Variants in PTGES observed in about 807,000 individuals in gnomAD.
PTGES encodes MGST1-like 1.
A neutral mutation model predicts 11.8 loss-of-function variants in PTGES; 3 were observed. The ratio of observed to expected loss-of-function variants is 0.25; its 90% CI spans 0.12 to 0.66. PTGES has a LOEUF of 0.66. PTGES is among the 30% of genes least tolerant of loss of function. PTGES has a pLI of 0.82. For synonymous variants in PTGES, 94 were observed against 90.4 expected (o/e 1.04, Z -0.22); for missense variants, 180 against 213.0 (o/e 0.85, Z 0.96).
At position 129,738,525 on chromosome 9, in the gene PTGES, C is replaced by G. The variant is rs201106450; in HGVS notation, c.*1086G>C. 1 of 151,996 alleles carries G rather than the reference C, an allele frequency of 6.6e-6. No homozygotes were observed. Among genetic ancestry groups the G allele is most frequent in the Non-Finnish European group, 1.5e-5 (1 of 68,174 alleles). The allele number at this position is 151,996 out of a possible 1,614,324, so 9.4% of individuals were successfully genotyped here. Reference sequence around the variant, plus strand: ...AAGATACTGAAGGGACCAGAAAGTTCCTTTGAGTGGCTGGTCACCCAAAGC... The same window carrying G: ...AAGATACTGAAGGGACCAGAAAGTTGCTTTGAGTGGCTGGTCACCCAAAGC... On this transcript the variant is annotated 3_prime_UTR_variant, in exon 3 of 3. Coordinates refer to ENST00000340607, the MANE Select transcript of PTGES (RefSeq NM_004878.5). The surrounding 1 kb of genome is among the most constrained non-coding windows in gnomAD (Gnocchi z 4.2).
At chr9:129,741,239 G>T (rs1832991358) in intron 2 of PTGES, among the ~76,000 whole-genome samples, 1 of 152,182 alleles carries the variant, frequency 6.6e-6, no homozygotes, top group Non-Finnish European at 1.5e-5. Flanking sequence ...AAGGTCCTGA[G>T]GTCACAATAA....
intron 2 of PTGES, among the ~76,000 whole-genome samples, chr9:129,740,550 T>G (rs919543183): frequency 6.6e-6 from 1 of 152,182 alleles, no homozygotes; most frequent in Non-Finnish European, 1.5e-5. Flanking sequence ...AAGCTCTTCA[T>G]TTTACACATC....
chr9:129,752,852 T>C (rs768099642), intron 1 of PTGES, 35 bp downstream of exon 1: 2 of 1,613,618 alleles, frequency 1.2e-6, no homozygotes, highest in African/African-American at 1.3e-5. Context: ...GAAGCAAGTA[T>C]GACCCAGGCC....
At chr9:129,750,352 C>T (rs1370720937) in intron 1 of PTGES, among the ~76,000 whole-genome samples, 1 of 152,226 alleles carries the variant, frequency 6.6e-6, no homozygotes, top group Non-Finnish European at 1.5e-5. Flanking sequence ...GAGAATGCAG[C>T]TCAGATCTTC....
chr9:129,748,875 C>A (rs964266518), intron 1 of PTGES, 138 bp from the exon 2 acceptor site: 5 of 683,792 alleles, frequency 7.3e-6, no homozygotes, highest in South Asian at 3.8e-5. Context: ...CCATCATCCA[C>A]GATTCCTACC....
intron 2 of PTGES, among the ~76,000 whole-genome samples, chr9:129,741,459 C>T (rs1832993193): frequency 6.6e-6 from 1 of 152,210 alleles, no homozygotes; most frequent in Non-Finnish European, 1.5e-5. Context: ...ATGAACCCCT[C>T]TTCTCCTTTT....
rs773737665 is a variant in PTGES, at chr9:129,752,911, C to G, written c.102G>C (p.Thr34=). The G allele has an allele frequency of 4.3e-6, 7 of 1,613,914 alleles. No individual in the cohort carries two copies. In the South Asian group the frequency reaches 4.4e-5, roughly 10 times the overall value. The change falls in exon 1 of 3, where the codon ACG becomes ACC. Residue 34 remains threonine, a synonymous_variant. Transcript: ENST00000340607. ...CCTTCTTCCGCAGCCTCACTTGGCC[C>G]GTGATGATGGCCACCACGTACATCT... ...VIKMYVVAII[T]GQVRLRKKAF...
chr9:129,739,268 C>T lies in PTGES; in HGVS notation c.*343G>A, dbSNP rs1029081976. On this transcript the variant is annotated 3_prime_UTR_variant, in exon 3 of 3. Transcript: ENST00000340607. This position sits in a 1 kb window ranked among gnomAD's most constrained non-coding sequence, Gnocchi z 5.7. ...GGTTTGGGAATCTTAAATAGAGTCT[C>T]CCTTCTCTCTTTTCACTGTTAGGGA... The T allele has an allele frequency of 4.2e-6, 1 of 238,412 alleles. No homozygotes were observed. Among genetic ancestry groups the T allele is most frequent in the Non-Finnish European group, 8.2e-6 (1 of 122,154 alleles). 14.8% of individuals were successfully genotyped at this position (238,412 alleles called of 1,614,324 possible). A position where few individuals can be genotyped will look rare whatever the true frequency, so the allele number is the denominator to read the frequency against.
At chr9:129,744,377 C>T (rs1425108171) in intron 2 of PTGES, among the ~76,000 whole-genome samples, 1 of 151,990 alleles carries the variant, frequency 6.6e-6, no homozygotes, top group East Asian at 1.9e-4. Flanking sequence ...TGGAATCAGC[C>T]TGAGCAACAT....
At chr9:129,743,486 A>G (rs1022461806) in intron 2 of PTGES, among the ~76,000 whole-genome samples, 8 of 152,218 alleles carry the variant, frequency 5.3e-5, no homozygotes, top group Non-Finnish European at 8.8e-5. Flanking sequence ...CTGCAGCATC[A>G]GGCCTGCCTT....
intron 2 of PTGES, among the ~76,000 whole-genome samples, chr9:129,742,547 T>G (rs1195236716): frequency 1.3e-5 from 2 of 152,066 alleles, no homozygotes; most frequent in Non-Finnish European, 1.5e-5. Flanking sequence ...TTTGAAAGTT[T>G]CAGGAAAAGC....
intron 1 of PTGES, among the ~76,000 whole-genome samples, chr9:129,751,376 G>A (rs1833106029): frequency 1.3e-5 from 2 of 149,990 alleles, no homozygotes; most frequent in South Asian, 4.2e-4. Flanking sequence ...TCGCTGGCCT[G>A]CTGGTAAGAA....
At chr9:129,748,573 C>T (rs538142349) in intron 2 of PTGES, 82 bp downstream of exon 2, 13 of 1,195,702 alleles carry the variant, frequency 1.1e-5, no homozygotes, top group Non-Finnish European at 1.5e-5. Context: ...TGGGAGTCCT[C>T]CAAGTCCCCT....
intron 2 of PTGES, among the ~76,000 whole-genome samples, chr9:129,741,913 T>A (rs1170410202): frequency 1.3e-5 from 2 of 150,154 alleles, no homozygotes; most frequent in Non-Finnish European, 3.0e-5. Flanking sequence ...CTCAAAAAAA[T>A]AAATAAATAA....
chr9:129,752,926 C>T lies in PTGES; in HGVS notation c.87G>A (p.Val29=), dbSNP rs377507041. The change falls in exon 1 of 3, where the codon GTG becomes GTA. Residue 29 remains valine (V), a synonymous_variant. Coordinates refer to ENST00000340607, the MANE Select transcript of PTGES (RefSeq NM_004878.5). ...CSTLLVIKMY[V]VAIITGQVRL... ...TCACTTGGCCCGTGATGATGGCCAC[C>T]ACGTACATCTTGATGACCAGCAGCG... 2.5e-6 allele frequency: 4 copies of T among 1,613,758 alleles called. No individual in the cohort carries two copies. Among genetic ancestry groups the T allele is most frequent in the Non-Finnish European group, 3.4e-6 (4 of 1,180,046 alleles).
At position 129,739,583 on chromosome 9, in the gene PTGES, T is replaced by G. The variant is rs1330817961; in HGVS notation, c.*28A>C. Reference sequence around the variant, plus strand: ...CCACGGCGGCTCTTGGCCCATGGTCTGGTGGCCAAGGAGGCATCAGCTGCT... The same window carrying G: ...CCACGGCGGCTCTTGGCCCATGGTCGGGTGGCCAAGGAGGCATCAGCTGCT... On this transcript the variant is annotated 3_prime_UTR_variant, in exon 3 of 3. Transcript: ENST00000340607. The surrounding 1 kb of genome is among the most constrained non-coding windows in gnomAD (Gnocchi z 5.7). 1 of 1,543,696 alleles carries G rather than the reference T, an allele frequency of 6.5e-7. No individual in the cohort carries two copies. Among genetic ancestry groups the G allele is most frequent in the African/African-American group, 1.4e-5 (1 of 72,914 alleles).
At chr9:129,740,781 G>A (rs73670200) in intron 2 of PTGES, among the ~76,000 whole-genome samples, 523 of 152,248 alleles carry the variant, frequency 3.4e-3, no homozygotes, top group African/African-American at 0.012. Context: ...GACTGAATGA[G>A]CAACTAAACC....
chr9:129,747,194 A>C (rs1282068959), intron 2 of PTGES, among the ~76,000 whole-genome samples: 1 of 152,240 alleles, frequency 6.6e-6, no homozygotes, highest in Non-Finnish European at 1.5e-5. Flanking sequence ...ACATCTGGTC[A>C]AGAATAATTT....
chr9:129,747,074 G>A (rs910398257), intron 2 of PTGES, among the ~76,000 whole-genome samples: 4 of 152,244 alleles, frequency 2.6e-5, no homozygotes, highest in East Asian at 1.9e-4. Flanking sequence ...CACCATGCCC[G>A]GCTAATTTTT....
Sources: allele counts gnomAD v4.1 joint callset (sites outside exome capture counted in the v4.1 genomes callset), GRCh38; gene constraint gnomAD v4.1.1; non-coding constraint Gnocchi (gnomAD v3.1); transcripts MANE v1.5; gene names NCBI Gene and HGNC (gene_info 2026-07-23, HGNC 2026-07-21).